Variants in SYT16 observed in about 807,000 individuals in gnomAD.
SYT16 encodes synaptotagmin 16, also known as synaptotagmin-16.
Under a neutral mutation model 61.4 loss-of-function variants are expected in SYT16, and 42 were observed. The ratio of observed to expected loss-of-function variants is 0.68; its 90% CI spans 0.53 to 0.89. The LOEUF (loss-of-function observed/expected upper bound fraction) is 0.89, where lower values mean the gene tolerates loss of function less well. Ranked by LOEUF, SYT16 falls within the 40% of genes least tolerant of loss-of-function variation. The probability of loss-of-function intolerance (pLI) is 0.00; values close to 1 mark genes in which losing one functional copy is unlikely to be tolerated. For synonymous variants in SYT16, 314 were observed against 302.3 expected, an observed-to-expected ratio of 1.04 and a Z score of -0.40; for missense variants, 804 against 807.3, an observed-to-expected ratio of 1.00 and a Z score of 0.05.
intron 3 of SYT16, among the ~76,000 whole-genome samples, chr14:62,016,456 G>A (rs887038038): frequency 4.6e-5 from 7 of 151,376 alleles, no homozygotes; most frequent in Non-Finnish European, 8.8e-5. Flanking sequence ...CACTTTGGGA[G>A]GCCAAGGCGG....
intron 3 of SYT16, among the ~76,000 whole-genome samples, chr14:62,062,841 C>G (rs2055885416): frequency 6.6e-6 from 1 of 152,192 alleles, no homozygotes; most frequent in Non-Finnish European, 1.5e-5. Flanking sequence ...CCCTACCTGT[C>G]TCTACTTCCC....
intron 1 of SYT16, among the ~76,000 whole-genome samples, chr14:61,935,577 G>A (rs1222014664): frequency 6.6e-6 from 1 of 152,148 alleles, no homozygotes; most frequent in East Asian, 1.9e-4. Flanking sequence ...TAAGAAAACC[G>A]ATCTAGTTGT....
At chr14:62,038,392 C>G (rs2054592591) in intron 3 of SYT16, among the ~76,000 whole-genome samples, 1 of 151,882 alleles carries the variant, frequency 6.6e-6, no homozygotes, top group African/African-American at 2.4e-5. Flanking sequence ...ACTGGCCATG[C>G]ATGGGCCCTG....
At position 61,996,295 on chromosome 14, in the gene SYT16, A is replaced by G; in HGVS notation, c.276A>G (p.Ser92=). Residue 92 remains serine, a synonymous_variant, in exon 3 of 8, where the codon TCA becomes TCG. Transcript: ENST00000683842. ...NSLFLEVDHF[S]CCNSDLQDSA... Reference sequence around the variant, plus strand: ...TGTTTCTTGAAGTGGATCATTTCTCATGTTGTAATAGTGATTTGCAGGACT... The same window carrying G: ...TGTTTCTTGAAGTGGATCATTTCTCGTGTTGTAATAGTGATTTGCAGGACT... 1 of 1,613,606 alleles carries G rather than the reference A, an allele frequency of 6.2e-7. No homozygotes were observed. Among genetic ancestry groups the G allele is most frequent in the Non-Finnish European group, 8.5e-7 (1 of 1,179,648 alleles).
chr14:61,821,626 A>G (rs1030851050), intron 1 of SYT16, among the ~76,000 whole-genome samples: 1 of 152,210 alleles, frequency 6.6e-6, no homozygotes, highest in Non-Finnish European at 1.5e-5. Flanking sequence ...ACCTCCCAGT[A>G]TGGCCTCTTG....
intron 1 of SYT16, chr14:61,831,814 A>G (rs2045945433): frequency 6.5e-6 from 2 of 308,368 alleles, no homozygotes; most frequent in Non-Finnish European, 1.3e-5. Flanking sequence ...GCATGGAGTT[A>G]TAGTATGGAG....
rs549909714 is a variant in SYT16, at chr14:62,047,547, T to C, written c.524-22056T>C. Among the ~76,000 whole-genome samples the C allele has an allele frequency of 1.1e-4, 16 of 152,298 alleles. No homozygotes were observed. In the South Asian group the frequency reaches 2.1e-3, roughly 20 times the overall value. Reference sequence around the variant, plus strand: ...GTGGTGAGAGAGGGCATCCCTGTCTTGTGCCAGTTTTCAAAGGGAATGCTT... The same window carrying C: ...GTGGTGAGAGAGGGCATCCCTGTCTCGTGCCAGTTTTCAAAGGGAATGCTT... On this transcript the variant is annotated intron_variant, in intron 3 of 7. Transcript: ENST00000683842.
intron 1 of SYT16, among the ~76,000 whole-genome samples, chr14:61,876,592 A>T (rs529506442): frequency 4.3e-4 from 66 of 152,178 alleles, no homozygotes; most frequent in Non-Finnish European, 4.9e-4. Context: ...CTTTCAAATG[A>T]CTCCATTTGT....
Position 62,069,806 on chromosome 14 carries a change from G to C in SYT16, c.727G>C (p.Ala243Pro). Residue 243 changes from alanine (A) to proline (P), a missense_variant, in exon 4 of 8, where the codon GCC becomes CCC. Physicochemically the swap from Ala to Pro is conservative, Grantham distance 27. Transcript: ENST00000683842. ...CGGAGAAGATGGCACAGAAGTATCT[G>C]CCTGCGAAGGTATCCTTTGCCTCAC... Reference protein sequence around the residue: ...THGEDGTEVSACEDLDGASQR... With the variant: ...THGEDGTEVSPCEDLDGASQR... 6.2e-7 allele frequency: 1 copy of C among 1,613,800 alleles called. No individual in the cohort carries two copies. The highest frequency in any genetic ancestry group is 8.5e-7 in the Non-Finnish European group (1 of 1,179,896).
chr14:62,095,551 T>C (rs2057244971), intron 7 of SYT16, among the ~76,000 whole-genome samples: 3 of 151,792 alleles, frequency 2.0e-5, no homozygotes, highest in Non-Finnish European at 3.0e-5. Flanking sequence ...ATGAAAATTA[T>C]AGAAAAACAA....
rs1175394668 is a variant in SYT16, at chr14:62,107,693, A to C, written c.*6986A>C. 6.6e-6 allele frequency: 1 copy of C among 152,144 alleles called. No individual in the cohort carries two copies. The highest frequency in any genetic ancestry group is 1.5e-5 in the Non-Finnish European group (1 of 68,024). The allele number at this position is 152,144 out of a possible 1,614,324, so 9.4% of individuals were successfully genotyped here. A position where few individuals can be genotyped will look rare whatever the true frequency, so the allele number is the denominator to read the frequency against. On this transcript the variant is annotated 3_prime_UTR_variant, in exon 8 of 8. Coordinates refer to ENST00000683842, the MANE Select transcript of SYT16 (RefSeq NM_001367656.1). ...AGGCAGAAGATTTAGGGAAGGTGAA[A>C]GTTATTACCCTGTATCTAATTAAGA... is the stretch of plus-strand genomic sequence containing the variant.
At chr14:61,832,268 C>T (rs992044167) in intron 1 of SYT16, 2 of 598,032 alleles carry the variant, frequency 3.3e-6, no homozygotes, top group South Asian at 2.8e-5. Context: ...AAGCTGGGAG[C>T]GCATAGTCAT....
At chr14:62,071,579 C>T (rs189409192) in intron 4 of SYT16, among the ~76,000 whole-genome samples, 2 of 152,262 alleles carry the variant, frequency 1.3e-5, no homozygotes, top group Admixed American at 6.5e-5. Flanking sequence ...TTTAGGTTAC[C>T]AGACGCCATG....
At chr14:62,088,269 A>C (rs1451565659) in intron 7 of SYT16, among the ~76,000 whole-genome samples, 1 of 152,224 alleles carries the variant, frequency 6.6e-6, no homozygotes, top group East Asian at 1.9e-4. Context: ...TTCAGCAATA[A>C]AAAGTAATAA....
chr14:62,004,680 G>A (rs988483203), intron 3 of SYT16, among the ~76,000 whole-genome samples: 12 of 152,162 alleles, frequency 7.9e-5, no homozygotes, highest in African/African-American at 2.2e-4. Context: ...CCAAAAAGAC[G>A]TGCCATGAAG....
chr14:62,017,244 G>T (rs1049362757), intron 3 of SYT16, among the ~76,000 whole-genome samples: 8 of 152,090 alleles, frequency 5.3e-5, no homozygotes, highest in African/African-American at 1.9e-4. Flanking sequence ...TACTTACCTG[G>T]TCACTTTCTC....
chr14:61,956,377 A>G (rs2050875054), intron 1 of SYT16, among the ~76,000 whole-genome samples: 1 of 151,878 alleles, frequency 6.6e-6, no homozygotes, highest in Non-Finnish European at 1.5e-5. Context: ...TGATTTGCCC[A>G]GTTCAGTGTT....
chr14:61,831,365 G>T (rs1273043063), intron 1 of SYT16, among the ~76,000 whole-genome samples: 1 of 142,400 alleles, frequency 7.0e-6, no homozygotes, highest in African/African-American at 2.7e-5. Flanking sequence ...TCACTGATGA[G>T]AATTATAATT....
At chr14:61,938,914 C>T (rs1016852145) in intron 1 of SYT16, among the ~76,000 whole-genome samples, 2 of 152,164 alleles carry the variant, frequency 1.3e-5, no homozygotes, top group Non-Finnish European at 2.9e-5. Flanking sequence ...GCGGGCGGAT[C>T]ACTTAAGGTC....
Sources: gnomAD v4.1 joint callset for allele counts (sites outside exome capture counted in the v4.1 genomes callset) on GRCh38, gnomAD v4.1.1 for gene constraint, MANE v1.5 for transcripts, NCBI Gene and HGNC (gene_info 2026-07-23, HGNC 2026-07-21) for gene names.